Variants in PTPRT observed in about 807,000 individuals in gnomAD.
PTPRT encodes the protein receptor-type tyrosine-protein phosphatase T.
A neutral mutation model predicts 176.8 loss-of-function variants in PTPRT; 56 were observed. The ratio of observed to expected loss-of-function variants is 0.32; its 90% CI spans 0.26 to 0.40. The LOEUF is 0.40. PTPRT is among the 10% of genes least tolerant of loss of function. The pLI, the probability that PTPRT is intolerant of heterozygous loss-of-function variation, is 1.00. For missense variants in PTPRT, 1,540 were observed against 1,908.2 expected, an observed-to-expected ratio of 0.81 and a Z score of 3.60; for synonymous variants, 783 against 739.0, an observed-to-expected ratio of 1.06 and a Z score of -0.96.
chr20:42,922,294 G>A (rs1979198259), intron 1 of PTPRT, among the ~76,000 whole-genome samples: 1 of 152,070 alleles, frequency 6.6e-6, no homozygotes. Context: ...ATACCTACCT[G>A]GTGGAGTGCT....
At chr20:42,735,635 C>T (rs973276784) in intron 6 of PTPRT, among the ~76,000 whole-genome samples, 1 of 152,230 alleles carries the variant, frequency 6.6e-6, no homozygotes, top group Non-Finnish European at 1.5e-5. Flanking sequence ...ACACATTGAA[C>T]TGCACGCACG....
intron 9 of PTPRT, among the ~76,000 whole-genome samples, chr20:42,430,040 A>T (rs2145797799): frequency 6.6e-6 from 1 of 152,344 alleles, no homozygotes; most frequent in South Asian, 2.1e-4. Context: ...GTTGGGATTT[A>T]TAAGGATTTT....
chr20:42,701,210 A>G (rs2075969560), intron 6 of PTPRT, among the ~76,000 whole-genome samples: 1 of 152,152 alleles, frequency 6.6e-6, no homozygotes, highest in Non-Finnish European at 1.5e-5. Flanking sequence ...ATACATTTCC[A>G]CGGGATTTTA....
chr20:42,538,766 C>T (rs1469306235), intron 7 of PTPRT, among the ~76,000 whole-genome samples: 2 of 152,158 alleles, frequency 1.3e-5, no homozygotes, highest in African/African-American at 4.8e-5. Context: ...ACGGAGGCTG[C>T]TTCACTAATA....
intron 11 of PTPRT, among the ~76,000 whole-genome samples, chr20:42,323,259 G>C (rs1284486208): frequency 1.3e-5 from 2 of 152,004 alleles, no homozygotes; most frequent in Non-Finnish European, 2.9e-5. Context: ...CCCATTACTG[G>C]GTATATACCC....
chr20:42,053,470 G>A, the PTPRT span, among the ~76,000 whole-genome samples: 2 of 152,268 alleles, frequency 1.3e-5, no homozygotes, highest in Admixed American at 6.5e-5. Flanking sequence ...GACAAGCTCC[G>A]CTGTGGGCCT....
chr20:42,680,267 A>G (rs1267061497), intron 6 of PTPRT, among the ~76,000 whole-genome samples: 1 of 152,134 alleles, frequency 6.6e-6, no homozygotes, highest in Non-Finnish European at 1.5e-5. Flanking sequence ...TTAAGGGACA[A>G]CTCCAGATTG....
intron 6 of PTPRT, among the ~76,000 whole-genome samples, chr20:42,696,210 C>T (rs1315573391): frequency 6.6e-6 from 1 of 150,464 alleles, no homozygotes; most frequent in Non-Finnish European, 1.5e-5. Context: ...CTTTCTCCTT[C>T]TTCTCACTTT....
chr20:42,585,821 G>A (rs1013797243), intron 7 of PTPRT, among the ~76,000 whole-genome samples: 1 of 152,040 alleles, frequency 6.6e-6, no homozygotes, highest in African/African-American at 2.4e-5. Flanking sequence ...AGAAGTGAGG[G>A]TCTAATTATT....
At chr20:42,727,903 C>G (rs1387379845) in intron 6 of PTPRT, among the ~76,000 whole-genome samples, 1 of 152,086 alleles carries the variant, frequency 6.6e-6, no homozygotes, top group Non-Finnish European at 1.5e-5. Context: ...CTCCAACCAC[C>G]CTTCTTCTTG....
intron 1 of PTPRT, among the ~76,000 whole-genome samples, chr20:43,166,627 A>G (rs559221349): frequency 3.3e-5 from 5 of 152,304 alleles, no homozygotes. Context: ...CCTCAAATGT[A>G]TTACCATGAG....
At chr20:42,254,911 C>T (rs896480728) in intron 13 of PTPRT, among the ~76,000 whole-genome samples, 1 of 152,128 alleles carries the variant, frequency 6.6e-6, no homozygotes, top group African/African-American at 2.4e-5. Flanking sequence ...ACTTGGTTCC[C>T]CTTAATTCCA....
intron 1 of PTPRT, among the ~76,000 whole-genome samples, chr20:43,086,596 T>C (rs1256997586): frequency 6.6e-6 from 1 of 152,190 alleles, no homozygotes; most frequent in Non-Finnish European, 1.5e-5. Flanking sequence ...GAATTACTAA[T>C]TTTCAAAAGA....
intron 9 of PTPRT, among the ~76,000 whole-genome samples, chr20:42,409,913 A>AT: frequency 6.6e-6 from 1 of 152,356 alleles, no homozygotes; most frequent in East Asian, 1.9e-4. Context: ...ACAACTCAGT[A>AT]AATTTAAAAA....
intron 15 of PTPRT, among the ~76,000 whole-genome samples, chr20:42,235,217 T>G (rs2056216896): frequency 1.3e-5 from 2 of 152,124 alleles, no homozygotes; most frequent in African/African-American, 4.8e-5. Context: ...TCTCCTTTAC[T>G]ATCATGTTTT....
intron 22 of PTPRT, among the ~76,000 whole-genome samples, chr20:42,111,804 C>A (rs1209540602): frequency 2.6e-5 from 4 of 152,220 alleles, no homozygotes; most frequent in Non-Finnish European, 5.9e-5. Flanking sequence ...TCTGTCTCCA[C>A]AGTCTGCACT....
chr20:42,837,878 G>A (rs748104540), intron 2 of PTPRT, among the ~76,000 whole-genome samples: 1 of 152,146 alleles, frequency 6.6e-6, no homozygotes, highest in Non-Finnish European at 1.5e-5. Context: ...GGGACTGAGG[G>A]AAAGAGGGGT....
At chr20:42,885,974 G>A (rs755577633) in intron 1 of PTPRT, 42 bp from the exon 2 acceptor site, 1 of 1,530,830 alleles carries the variant, frequency 6.5e-7, no homozygotes, top group Admixed American at 1.8e-5. Context: ...TCCCGTGTCT[G>A]AGGCTTGGTT....
intron 29 of PTPRT, 95 bp downstream of exon 29, chr20:42,084,586 GC>G: frequency 1.8e-6 from 2 of 1,112,070 alleles, no homozygotes; most frequent in Non-Finnish European, 2.3e-6. Flanking sequence ...GTATAGCCAG[GC>G]CTGCCTAGGA....
Sources: gnomAD v4.1 joint callset for allele counts (sites outside exome capture counted in the v4.1 genomes callset) on GRCh38, gnomAD v4.1.1 for gene constraint, MANE v1.5 for transcripts, NCBI Gene and HGNC (gene_info 2026-07-23, HGNC 2026-07-21) for gene names.